EDA: variants seen among roughly 807,000 people sequenced by gnomAD.
EDA encodes ectodysplasin A.
EDA carries 2 observed loss-of-function variants against 23.6 expected under a neutral mutation model. That is an observed-to-expected ratio of 0.08 (90% CI 0.03 to 0.27). The LOEUF (loss-of-function observed/expected upper bound fraction) is 0.27, where lower values mean the gene tolerates loss of function less well. Among genes scored for constraint, EDA ranks in the 10% least tolerant of loss-of-function variants. The pLI is 1.00. For synonymous variants in EDA, 131 were observed against 132.0 expected (o/e 0.99, Z 0.05); for missense variants, 229 against 324.2 (o/e 0.71, Z 2.26).
chrX:69,643,545 C>T (rs12394143), intron 1 of EDA, among the ~76,000 whole-genome samples: 19,151 of 110,373 alleles, frequency 0.17, 1,253 homozygotes, highest in Non-Finnish European at 0.2. Context: ...ATTTTTATCC[C>T]ATTCTGTAGG....
At chrX:69,715,294 G>C (rs898920639) in intron 1 of EDA, among the ~76,000 whole-genome samples, 2 of 109,777 alleles carry the variant, frequency 1.8e-5, no homozygotes, top group Non-Finnish European at 3.8e-5. Context: ...CTTTGTGTCC[G>C]TGTGTTCTCA....
intron 1 of EDA, among the ~76,000 whole-genome samples, chrX:69,832,295 A>G (rs1039459350): frequency 4.0e-4 from 45 of 111,913 alleles, no homozygotes; most frequent in African/African-American, 1.4e-3. Flanking sequence ...TAAATAGGGA[A>G]TCCTTTCCCC....
At chrX:69,828,582 C>G (rs1329817116) in intron 1 of EDA, among the ~76,000 whole-genome samples, 1 of 111,980 alleles carries the variant, frequency 8.9e-6, no homozygotes, top group Non-Finnish European at 1.9e-5. Context: ...ACTGCACCCA[C>G]TGACCTGTGC....
At chrX:69,891,225 C>T (rs2017925078) in intron 1 of EDA, among the ~76,000 whole-genome samples, 1 of 111,425 alleles carries the variant, frequency 9.0e-6, no homozygotes, top group South Asian at 3.8e-4. Flanking sequence ...ATTAAAACGT[C>T]AAAAATAACA....
chrX:70,022,540 G>A (rs1477153805), intron 2 of EDA, among the ~76,000 whole-genome samples: 26 of 109,199 alleles, frequency 2.4e-4, no homozygotes, highest in Admixed American at 2.2e-3. Context: ...GTTTCACTGT[G>A]TTAGCCAGGA....
At chrX:69,941,424 C>T (rs2018755826) in intron 1 of EDA, among the ~76,000 whole-genome samples, 1 of 111,303 alleles carries the variant, frequency 9.0e-6, no homozygotes, top group Non-Finnish European at 1.9e-5. Flanking sequence ...ACTCTAATAA[C>T]ATTTGTTTTA....
At chrX:69,665,791 A>T (rs1933662021) in intron 1 of EDA, among the ~76,000 whole-genome samples, 1 of 111,625 alleles carries the variant, frequency 9.0e-6, no homozygotes, top group South Asian at 3.7e-4. Context: ...TGTTTTGTTT[A>T]TTCAAGGTCT....
intron 1 of EDA, among the ~76,000 whole-genome samples, chrX:69,923,768 A>G (rs1467437273): frequency 9.0e-6 from 1 of 111,708 alleles, no homozygotes; most frequent in Non-Finnish European, 1.9e-5. Flanking sequence ...CAATGGTTGA[A>G]CTAATTTACA....
chrX:69,810,772 AT>A (rs1263220228), intron 1 of EDA, among the ~76,000 whole-genome samples: 81 of 106,198 alleles, frequency 7.6e-4, no homozygotes, highest in African/African-American at 2.8e-3. Context: ...AAAAAAAAAA[AT>A]AGAAACCTGG....
At chrX:69,702,421 G>A (rs1382341901) in intron 1 of EDA, among the ~76,000 whole-genome samples, 1 of 110,657 alleles carries the variant, frequency 9.0e-6, no homozygotes, top group Non-Finnish European at 1.9e-5. Context: ...TACTAGAATT[G>A]TCCTGAGGAG....
chrX:69,771,043 GTATT>G lies in EDA; in HGVS notation c.396+154368_396+154371del, dbSNP rs748339806. 2.8e-4 allele frequency among the ~76,000 whole-genome samples: 31 copies of G among 109,509 alleles called. No homozygotes were observed. The South Asian group carries it at 7.2e-3, about 26-fold the overall frequency. On this transcript the variant is annotated intron_variant, in intron 1 of 7. Coordinates refer to ENST00000374552, the MANE Select transcript of EDA (RefSeq NM_001399.5). Reference sequence around the variant, plus strand: ...AAATCAGTTATGTCATGCAAAGAAAGTATTTATTTATTTATTTATTTATTTATTT... The same window carrying G: ...AAATCAGTTATGTCATGCAAAGAAAGTATTTATTTATTTATTTATTTATTT...
At chrX:69,888,978 T>TAGATAGATAGATA (rs1556026049) in intron 1 of EDA, among the ~76,000 whole-genome samples, 1 of 16,030 alleles carries the variant, frequency 6.2e-5, no homozygotes, top group Non-Finnish European at 1.0e-4. Context: ...TGTGGGGTAG[T>TAGATAGATAGATA]TATATATATA....
At chrX:69,974,780 A>G (rs950126762) in intron 2 of EDA, among the ~76,000 whole-genome samples, 1 of 105,759 alleles carries the variant, frequency 9.5e-6, no homozygotes, top group Admixed American at 9.8e-5. Context: ...CAGAAAACAA[A>G]TAACCCCCTT....
At chrX:69,769,595 TTTC>T (rs1234173108) in intron 1 of EDA, among the ~76,000 whole-genome samples, 1 of 111,539 alleles carries the variant, frequency 9.0e-6, no homozygotes, top group Non-Finnish European at 1.9e-5. Flanking sequence ...TTGTTCCCTT[TTTC>T]TTCTTTTCCT....
At chrX:70,025,390 C>T (rs1015982880) in intron 3 of EDA, among the ~76,000 whole-genome samples, 5 of 111,233 alleles carry the variant, frequency 4.5e-5, no homozygotes, top group Non-Finnish European at 9.4e-5. Flanking sequence ...GTGTCTGTGC[C>T]ACCTAGAAAA....
rs910359919 is a variant in EDA, at chrX:69,675,503, A to G, written c.396+58799A>G. Among the ~76,000 whole-genome samples the G allele has an allele frequency of 1.8e-4, 20 of 111,627 alleles. 1 individual carries two copies. Among genetic ancestry groups the G allele is most frequent in the African/African-American group, 6.2e-4 (19 of 30,707 alleles). On this transcript the variant is annotated intron_variant, in intron 1 of 7. Transcript: ENST00000374552. Reference sequence around the variant, plus strand: ...CCTAAAATCTGGACACCATGGAGACATTTTGATCCTTCCTCCTCTTTTGCT... The same window carrying G: ...CCTAAAATCTGGACACCATGGAGACGTTTTGATCCTTCCTCCTCTTTTGCT...
intron 2 of EDA, among the ~76,000 whole-genome samples, chrX:70,009,013 T>C (rs1189187888): frequency 1.8e-5 from 2 of 111,975 alleles, no homozygotes; most frequent in Non-Finnish European, 3.8e-5. Context: ...TGGTAGATTG[T>C]GTCTTTTAAG....
intron 1 of EDA, among the ~76,000 whole-genome samples, chrX:69,954,814 C>T (rs2018976463): frequency 9.0e-6 from 1 of 111,700 alleles, no homozygotes; most frequent in Non-Finnish European, 1.9e-5. Context: ...TGATCCTCTC[C>T]ATCCTCCCAC....
intron 1 of EDA, among the ~76,000 whole-genome samples, chrX:69,826,867 C>T (rs1174731396): frequency 8.9e-6 from 1 of 111,948 alleles, no homozygotes; most frequent in Admixed American, 9.5e-5. Flanking sequence ...TTAGCACTTC[C>T]TTCAGTAGCT....
Sources: allele counts gnomAD v4.1 joint callset (sites outside exome capture counted in the v4.1 genomes callset), GRCh38; gene constraint gnomAD v4.1.1; transcripts MANE v1.5; gene names NCBI Gene and HGNC (gene_info 2026-07-23, HGNC 2026-07-21).